GARRE1: variants seen among roughly 807,000 people sequenced by gnomAD.
The protein encoded by GARRE1 is granule associated Rac and RHOG effector 1.
GARRE1 carries 49 observed loss-of-function variants against 103.2 expected under a neutral mutation model. The ratio of observed to expected loss-of-function variants is 0.47; its 90% CI spans 0.38 to 0.60. GARRE1 has a LOEUF of 0.60. Among genes scored for constraint, GARRE1 ranks in the 20% least tolerant of loss-of-function variants. The pLI, the probability that GARRE1 is intolerant of heterozygous loss-of-function variation, is 0.00. For missense variants in GARRE1, 1,199 were observed against 1,370.5 expected, an observed-to-expected ratio of 0.87 and a Z score of 1.98; for synonymous variants, 505 against 532.8, an observed-to-expected ratio of 0.95 and a Z score of 0.72.
chr19:34,304,280 A>G (rs371255491), intron 2 of GARRE1, among the ~76,000 whole-genome samples: 3 of 151,648 alleles, frequency 2.0e-5, no homozygotes, highest in East Asian at 3.9e-4. Context: ...TAGTAGAGAC[A>G]GGGTTTCGCC....
At chr19:34,350,964 T>C (rs2074233416) in intron 12 of GARRE1, among the ~76,000 whole-genome samples, 1 of 151,842 alleles carries the variant, frequency 6.6e-6, no homozygotes, top group Non-Finnish European at 1.5e-5. Flanking sequence ...TTTGGGAGGC[T>C]TAGGCGGGCA....
At chr19:34,273,039 C>T (rs2073796882) in intron 1 of GARRE1, among the ~76,000 whole-genome samples, 1 of 152,088 alleles carries the variant, frequency 6.6e-6, no homozygotes, top group African/African-American at 2.4e-5. Flanking sequence ...ACTGTCTCGA[C>T]TAAAAACACA....
chr19:34,311,618 TC>T (rs2074037165), intron 2 of GARRE1, among the ~76,000 whole-genome samples: 1 of 152,168 alleles, frequency 6.6e-6, no homozygotes, highest in Non-Finnish European at 1.5e-5. Context: ...TTTTTTCTTT[TC>T]CCCCCTCTGA....
rs184095804 is a variant in GARRE1, at chr19:34,353,424, T to C, written c.*469T>C. On this transcript the variant is annotated 3_prime_UTR_variant, in exon 14 of 14. Transcript: ENST00000299505. ...CACCAATCACTGTATTTTATAGCTT[T>C]TTTTTTCATGTAGGTTTTTAGTTAA... The C allele has an allele frequency of 1.8e-5, 3 of 165,880 alleles. No individual in the cohort carries two copies. The Admixed American group carries it at 1.9e-4, about 11-fold the overall frequency. 10.3% of individuals were successfully genotyped at this position (165,880 alleles called of 1,614,324 possible). A position where few individuals can be genotyped will look rare whatever the true frequency, so the allele number is the denominator to read the frequency against.
Position 34,327,497 on chromosome 19 carries a change from A to G in GARRE1, c.782A>G (p.Gln261Arg), listed in dbSNP as rs968138541. 2 of 1,613,956 alleles carry G rather than the reference A, an allele frequency of 1.2e-6. No homozygotes were observed. The highest frequency in any genetic ancestry group is 1.3e-5 in the African/African-American group (1 of 74,944). The change falls in exon 4 of 14, where the codon CAA (glutamine) becomes CGA (arginine). Residue 261 changes from glutamine (Q) to arginine (R), a missense_variant. Physicochemically the swap from Gln to Arg is conservative, Grantham distance 43 (BLOSUM62 1). Transcript: ENST00000299505. ...GAAGTTCAACAACTCTTTTGTTCTC[A>G]AAGTGCAGCAATTCCTGAGCACCAG... is the stretch of plus-strand genomic sequence containing the variant. Reference protein sequence around the residue: ...GIEVQQLFCSQSAAIPEHQLK... With the variant: ...GIEVQQLFCSRSAAIPEHQLK...
Position 34,342,082 on chromosome 19 carries a change from A to G in GARRE1, c.2148A>G (p.Gly716=), listed in dbSNP as rs373699468. 1 of 1,613,964 alleles carries G rather than the reference A, an allele frequency of 6.2e-7. No homozygotes were observed. The highest frequency in any genetic ancestry group is 1.3e-5 in the African/African-American group (1 of 74,904). ...GAHTPLTPQP[G]LAPQQQSPKQ... ...ACACACCTCTGACACCCCAGCCGGG[A>G]CTGGCACCTCAGCAGCAGTCCCCAA... Residue 716 remains glycine (G), a synonymous_variant, in exon 10 of 14, where the codon GGA becomes GGG. Transcript: ENST00000299505.
intron 10 of GARRE1, among the ~76,000 whole-genome samples, chr19:34,343,342 C>T (rs915109191): frequency 2.6e-5 from 4 of 151,158 alleles, no homozygotes; most frequent in Non-Finnish European, 5.9e-5. Flanking sequence ...GAAGCTGAGG[C>T]GGTAGGATCC....
intron 9 of GARRE1, 66 bp downstream of exon 9, chr19:34,340,058 G>C: frequency 6.4e-7 from 1 of 1,553,498 alleles, no homozygotes; most frequent in African/African-American, 1.4e-5. Flanking sequence ...AGTTTCATGT[G>C]TGCTTGTGTC....
In GARRE1 at chr19:34,341,399, T is replaced by A. The variant is rs776479498; in HGVS notation, c.1488-23T>A. 29 of 1,564,308 alleles carry A rather than the reference T, an allele frequency of 1.9e-5. No homozygotes were observed. The highest frequency in any genetic ancestry group is 1.7e-4 in the Middle Eastern group (1 of 5,722). On this transcript the variant is annotated intron_variant, in intron 9 of 13. Transcript: ENST00000299505. Reference sequence around the variant, plus strand: ...TTTATATATTTGTCTTTTTTTTTTTTAAACAAATTTCTGTTTAAATAGGGA... The same window carrying A: ...TTTATATATTTGTCTTTTTTTTTTTAAAACAAATTTCTGTTTAAATAGGGA...
rs1017491425 is a variant in GARRE1, at chr19:34,349,053, G to T, written c.2725G>T (p.Asp909Tyr). The change falls in exon 12 of 14, where the codon GAC (aspartate) becomes TAC (tyrosine). Residue 909 changes from aspartate to tyrosine, a missense_variant. Transcript: ENST00000299505. Reference protein sequence around the residue: ...LHGGWSGAQGDSASSSDETSS... With the variant: ...LHGGWSGAQGYSASSSDETSS... ...CGGTGGCTGGTCGGGTGCTCAGGGA[G>T]ACTCTGCCAGCTCGAGTGATGAGAC... 6.2e-7 allele frequency: 1 copy of T among 1,612,486 alleles called. No homozygotes were observed. The highest frequency in any genetic ancestry group is 8.5e-7 in the Non-Finnish European group (1 of 1,180,016).
At chr19:34,330,075 A>G in intron 6 of GARRE1, 114 bp from the exon 7 acceptor site, 4 of 960,100 alleles carry the variant, frequency 4.2e-6, no homozygotes, top group Non-Finnish European at 6.2e-6. Flanking sequence ...ATAGAAAAAT[A>G]CATAAATAAA....
At chr19:34,305,019 C>G (rs943658879) in intron 2 of GARRE1, among the ~76,000 whole-genome samples, 3 of 151,992 alleles carry the variant, frequency 2.0e-5, no homozygotes, top group Admixed American at 6.6e-5. Context: ...GTCTTGATCT[C>G]CTGACCTCGG....
rs752178652 is a variant in GARRE1 at position 34,330,343 on chromosome 19, G to T, written c.1259G>T (p.Gly420Val). The change falls in exon 7 of 14, where the codon GGA becomes GTA. Residue 420 changes from glycine (G) to valine (V), a missense_variant. Transcript: ENST00000299505. ...TAVQLLFGQA[G>V]LVVVDTAQIE... Reference sequence around the variant, plus strand: ...GTGCAGCTGCTGTTTGGCCAGGCTGGACTGGTGAGTGAGCGTGGGTGGTGG... The same window carrying T: ...GTGCAGCTGCTGTTTGGCCAGGCTGTACTGGTGAGTGAGCGTGGGTGGTGG... 6.2e-7 allele frequency: 1 copy of T among 1,614,188 alleles called. No individual in the cohort carries two copies.
chr19:34,349,266 A>G, intron 12 of GARRE1, 113 bp downstream of exon 12: 1 of 1,051,336 alleles, frequency 9.5e-7, no homozygotes, highest in South Asian at 1.5e-5. Context: ...CCTGTGTGAG[A>G]GGAGGGGCTC....
chr19:34,256,687 A>G (rs1262566780), intron 1 of GARRE1, among the ~76,000 whole-genome samples: 1 of 152,116 alleles, frequency 6.6e-6, no homozygotes, highest in Non-Finnish European at 1.5e-5. Flanking sequence ...TCATTTTATC[A>G]TATTTTAGAC....
chr19:34,347,661 C>T (rs893593695), intron 10 of GARRE1, among the ~76,000 whole-genome samples: 3 of 152,206 alleles, frequency 2.0e-5, no homozygotes, highest in Non-Finnish European at 4.4e-5. Flanking sequence ...TCATGACAGC[C>T]CTGGCACACA....
At chr19:34,348,975 C>T in intron 11 of GARRE1, 41 bp from the exon 12 acceptor site, 1 of 1,602,580 alleles carries the variant, frequency 6.2e-7, no homozygotes, top group South Asian at 1.1e-5. Flanking sequence ...GGTGGTGGGG[C>T]TGCAGGAGGC....
intron 1 of GARRE1, chr19:34,285,124 T>G (rs2073878647): frequency 6.6e-6 from 1 of 152,120 alleles, no homozygotes; most frequent in Non-Finnish European, 1.5e-5. Flanking sequence ...TGTGTCTGTG[T>G]GTGCATTTTC....
At chr19:34,259,653 G>A (rs1019130942) in intron 1 of GARRE1, among the ~76,000 whole-genome samples, 1 of 149,868 alleles carries the variant, frequency 6.7e-6, no homozygotes, top group Non-Finnish European at 1.5e-5. Context: ...AAATGATGAA[G>A]TTTTTTTTGT....
Sources: gnomAD v4.1 joint callset for allele counts (sites outside exome capture counted in the v4.1 genomes callset) on GRCh38, gnomAD v4.1.1 for gene constraint, MANE v1.5 for transcripts, NCBI Gene and HGNC (gene_info 2026-07-23, HGNC 2026-07-21) for gene names.